The following NDRG4 variants were observed in gnomAD, a reference collection of about 807,000 sequenced individuals.
The protein encoded by NDRG4 is NDRG family member 4.
In NDRG4, 38 loss-of-function variants were observed where a neutral mutation model predicts 55.8. The ratio of observed to expected loss-of-function variants is 0.68; its 90% CI spans 0.53 to 0.89. The LOEUF (loss-of-function observed/expected upper bound fraction) is 0.89. Ranked by LOEUF, NDRG4 falls within the 40% of genes least tolerant of loss-of-function variation. The pLI is 0.00. For synonymous variants in NDRG4, 190 were observed against 182.7 expected (o/e 1.04, Z -0.32); for missense variants, 455 against 468.6 (o/e 0.97, Z 0.27).
chr16:58,464,149 C>T lies in NDRG4; in HGVS notation c.-24+352C>T. ...TCCCACGGTGTCACCGCACCCACCC[C>T]GCGCCCTTCCTCCGCCTCCTGGAGT... is the stretch of plus-strand genomic sequence containing the variant. On this transcript the variant is annotated intron_variant, in intron 1 of 15. Coordinates refer to the NDRG4 transcript ENST00000258187. This position sits in a 1 kb window ranked among gnomAD's most constrained non-coding sequence, Gnocchi z 4.8. 1 of 359,288 alleles carries T rather than the reference C, an allele frequency of 2.8e-6. No homozygotes were observed. The highest frequency in any genetic ancestry group is 5.0e-6 in the Non-Finnish European group (1 of 201,518). 22.3% of individuals were successfully genotyped at this position (359,288 alleles called of 1,614,324 possible).
Position 58,510,648 on chromosome 16 carries a change from C to G in NDRG4, c.869C>G (p.Ala290Gly), listed in dbSNP as rs993055627. Residue 290 changes from alanine to glycine, a missense_variant, in exon 14 of 15, where the codon GCG (alanine) becomes GGG (glycine). Physicochemically the swap from Ala to Gly is moderately conservative, Grantham distance 60. Coordinates refer to ENST00000570248, the MANE Select transcript of NDRG4 (RefSeq NM_001242835.2). ...CCGGCTCTGTCTTCTCTCTTAGTTG[C>G]GTACTTGAAGGACCGAAGGCTGAGT... ...KYFLQGMGYI[A>G]YLKDRRLSGG... The G allele has an allele frequency of 6.5e-7, 1 of 1,536,024 alleles. No homozygotes were observed. The highest frequency in any genetic ancestry group is 8.7e-7 in the Non-Finnish European group (1 of 1,146,848).
At chr16:58,497,346 A>C (rs2036526363), upstream of NDRG4, among the ~76,000 whole-genome samples, 1 of 152,192 alleles carries the variant, frequency 6.6e-6, no homozygotes, top group South Asian at 2.1e-4. Context: ...GAAGAAAAAA[A>C]AAGAGGGATA....
At chr16:58,507,391 G>T (rs544600137) in intron 8 of NDRG4, 57 of 369,616 alleles carry the variant, frequency 1.5e-4, no homozygotes, top group African/African-American at 8.9e-4. Flanking sequence ...CCCCTTTAGG[G>T]GCTGCCCTGC....
In NDRG4 at chr16:58,511,100, G is replaced by A. The variant is rs995875220; in HGVS notation, c.905-322G>A. On this transcript the variant is annotated intron_variant, in intron 14 of 14. Transcript: ENST00000570248. ...GAATTGAGGGCAGTATGCGACCACC[G>A]CTCCGCGTCCTCCTTTACAGAAACA... 13 of 472,066 alleles carry A rather than the reference G, an allele frequency of 2.8e-5. No homozygotes were observed. The East Asian group carries it at 3.9e-4, about 14-fold the overall frequency. 29.2% of individuals were successfully genotyped at this position (472,066 alleles called of 1,614,324 possible).
At chr16:58,492,035 G>C (rs2035844887) in intron 2 of NDRG4, among the ~76,000 whole-genome samples, 1 of 152,124 alleles carries the variant, frequency 6.6e-6, no homozygotes, top group African/African-American at 2.4e-5. Flanking sequence ...TCCCACCTCA[G>C]CCTCCCAAGT....
intron 1 of NDRG4, among the ~76,000 whole-genome samples, chr16:58,466,398 C>T (rs1361054475): frequency 6.6e-6 from 1 of 152,228 alleles, no homozygotes; most frequent in Admixed American, 6.5e-5. Flanking sequence ...CCCCAAAGGG[C>T]CTGGATGAGA....
Position 58,464,495 on chromosome 16 carries a change from C to A in NDRG4, c.-24+698C>A, listed in dbSNP as rs1029049987. On this transcript the variant is annotated intron_variant, in intron 1 of 15. Transcript: ENST00000258187. The surrounding 1 kb of genome is among the most constrained non-coding windows in gnomAD (Gnocchi z 4.8). ...ACCGCCCGCCTGCCCCGCAGCCGGCCGCCACTTTCCGAGTTGGAGCGGACT... is the reference window on the plus strand; with the variant it reads ...ACCGCCCGCCTGCCCCGCAGCCGGCAGCCACTTTCCGAGTTGGAGCGGACT... 1.5e-5 allele frequency: 19 copies of A among 1,305,608 alleles called. No homozygotes were observed. Among genetic ancestry groups the A allele is most frequent in the South Asian group, 2.3e-5 (1 of 44,308 alleles). The allele number at this position is 1,305,608 out of a possible 1,614,324, so 80.9% of individuals were successfully genotyped here. A position where few individuals can be genotyped will look rare whatever the true frequency, so the allele number is the denominator to read the frequency against.
chr16:58,504,764 TCCTCCTCCCA>T, intron 5 of NDRG4, 115 bp downstream of exon 5: 1 of 1,054,962 alleles, frequency 9.5e-7, no homozygotes, highest in Non-Finnish European at 1.5e-6. Context: ...CTCTCGCTTC[TCCTCCTCCCA>T]CCTCCTCTTT....
chr16:58,501,168 C>G, intron 1 of NDRG4: 4 of 860,784 alleles, frequency 4.6e-6, no homozygotes, highest in Non-Finnish European at 6.2e-6. Flanking sequence ...GCCGGTTCCG[C>G]AGACGATAGG....
Position 58,510,649 on chromosome 16 carries a change from G to A in NDRG4, c.870G>A (p.Ala290=), listed in dbSNP as rs375289092. The stretch of plus-strand genomic sequence containing the variant: ...CGGCTCTGTCTTCTCTCTTAGTTGC[G>A]TACTTGAAGGACCGAAGGCTGAGTG... ...KYFLQGMGYI[A]YLKDRRLSGG... The change falls in exon 14 of 15, where the codon GCG becomes GCA. Residue 290 remains alanine, a synonymous_variant. Transcript: ENST00000570248. 1.1e-5 allele frequency: 17 copies of A among 1,535,594 alleles called. No homozygotes were observed. In the South Asian group the frequency reaches 1.2e-4, roughly 11 times the overall value.
At chr16:58,505,581 T>C (rs1259932393) in intron 5 of NDRG4, among the ~76,000 whole-genome samples, 1 of 152,016 alleles carries the variant, frequency 6.6e-6, no homozygotes, top group Non-Finnish European at 1.5e-5. Flanking sequence ...ACAAGCTTGA[T>C]GTGGTTATGC....
chr16:58,480,524 G>A (rs913842906), intron 1 of NDRG4, among the ~76,000 whole-genome samples: 1 of 152,244 alleles, frequency 6.6e-6, no homozygotes, highest in African/African-American at 2.4e-5. Context: ...CACCTTGGTG[G>A]TGTGCATTTG....
chr16:58,501,894 G>A (rs371046520), intron 1 of NDRG4: 2 of 440,566 alleles, frequency 4.5e-6, no homozygotes, highest in Admixed American at 2.4e-5. Context: ...GGAAGGCACC[G>A]CCCTGGGCTC....
rs200286452 is a variant in NDRG4 at position 58,478,401 on chromosome 16, AAG to A, written c.-23-9354_-23-9353del. Reference sequence around the variant, plus strand: ...GAGACTCCATCTAAAAAAAAAAAAAAAGTGTCAAGGTTATAAAAGATGGGCTG... The same window carrying A: ...GAGACTCCATCTAAAAAAAAAAAAAATGTCAAGGTTATAAAAGATGGGCTG... On this transcript the variant is annotated intron_variant, in intron 1 of 15. Coordinates refer to the NDRG4 transcript ENST00000258187. Among the ~76,000 whole-genome samples the A allele has an allele frequency of 5.2e-3, 545 of 104,146 alleles. 1 individual carries two copies. The highest frequency in any genetic ancestry group is 7.1e-3 in the Non-Finnish European group (282 of 39,874). 68.3% of individuals were successfully genotyped at this position (104,146 alleles called of 152,430 possible). A position where few individuals can be genotyped will look rare whatever the true frequency, so the allele number is the denominator to read the frequency against.
At chr16:58,510,999 G>A in intron 14 of NDRG4, 1 of 516,402 alleles carries the variant, frequency 1.9e-6, no homozygotes, top group African/African-American at 1.9e-5. Context: ...GTGGCCAGGA[G>A]AGTTCCGGAG....
chr16:58,503,594 A>T, intron 1 of NDRG4: 1 of 994,228 alleles, frequency 1.0e-6, no homozygotes, highest in East Asian at 2.6e-5. Flanking sequence ...ATCAGTTCAC[A>T]TTGTCTCTGT....
At chr16:58,506,087 A>G (rs1433119365) in intron 5 of NDRG4, 1 of 562,070 alleles carries the variant, frequency 1.8e-6, no homozygotes, top group Non-Finnish European at 3.2e-6. Context: ...TTAATACTCA[A>G]TTTTGCACTT....
upstream of NDRG4, chr16:58,499,746 C>A (rs1597261411): frequency 4.6e-6 from 1 of 217,900 alleles, no homozygotes; most frequent in South Asian, 6.2e-5. Flanking sequence ...TGGGCAGTGC[C>A]CATGCACCCT....
intron 1 of NDRG4, 200 bp downstream of exon 1, chr16:58,500,469 A>T: frequency 1.9e-6 from 1 of 531,684 alleles, no homozygotes; most frequent in Non-Finnish European, 3.1e-6. Context: ...GGCTGGGGGC[A>T]GCTGCTAGTC....
Sources: gnomAD v4.1 joint callset for allele counts (sites outside exome capture counted in the v4.1 genomes callset) on GRCh38, gnomAD v4.1.1 for gene constraint, Gnocchi (gnomAD v3.1) non-coding constraint, MANE v1.5 for transcripts, NCBI Gene and HGNC (gene_info 2026-07-23, HGNC 2026-07-21) for gene names.